Variants in TSPAN5 observed in about 807,000 individuals in gnomAD.
TSPAN5 encodes the protein tetraspanin-5.
Under a neutral mutation model 37.1 loss-of-function variants are expected in TSPAN5, and 10 were observed. That is an observed-to-expected ratio of 0.27 (90% CI 0.17 to 0.46). The LOEUF is 0.46. Among genes scored for constraint, TSPAN5 ranks in the 20% least tolerant of loss-of-function variants. TSPAN5 has a pLI of 1.00. For missense variants in TSPAN5, 195 were observed against 326.6 expected, an observed-to-expected ratio of 0.60 and a Z score of 3.11; for synonymous variants, 110 against 118.9, an observed-to-expected ratio of 0.93 and a Z score of 0.48.
chr4:98,588,685 A>T lies in TSPAN5; in HGVS notation c.81+69461T>A, dbSNP rs887024746. Among the ~76,000 whole-genome samples the T allele has an allele frequency of 3.3e-5, 5 of 152,234 alleles. No homozygotes were observed. The South Asian group carries it at 1.0e-3, about 31-fold the overall frequency. ...CAAAGAATATCCAGTTACGATGTTC[A>T]AAGAGATAAGCTGGCCCTGAGGCAT... On this transcript the variant is annotated intron_variant, in intron 1 of 7. Transcript: ENST00000305798.
At chr4:98,629,818 G>C (rs542678182) in intron 1 of TSPAN5, among the ~76,000 whole-genome samples, 1 of 152,314 alleles carries the variant, frequency 6.6e-6, no homozygotes, top group South Asian at 2.1e-4. Context: ...GACTGTTAGT[G>C]AGTGAATAAA....
chr4:98,582,614 C>T (rs1260012978), intron 1 of TSPAN5, among the ~76,000 whole-genome samples: 3 of 152,168 alleles, frequency 2.0e-5, no homozygotes, highest in African/African-American at 4.8e-5. Flanking sequence ...TCACAAATCT[C>T]GTGGCAAATA....
At chr4:98,639,826 GT>G (rs1756926777) in intron 1 of TSPAN5, among the ~76,000 whole-genome samples, 2 of 152,138 alleles carry the variant, frequency 1.3e-5, no homozygotes, top group Non-Finnish European at 2.9e-5. Context: ...ACAGAAGCTG[GT>G]TTCAATCTGG....
intron 2 of TSPAN5, among the ~76,000 whole-genome samples, chr4:98,496,049 C>G (rs1259117786): frequency 3.3e-5 from 5 of 152,146 alleles, no homozygotes; most frequent in Admixed American, 3.3e-4. Context: ...CCAGATCCTA[C>G]TGACAACAGT....
chr4:98,549,755 T>C (rs1435134408), intron 1 of TSPAN5, among the ~76,000 whole-genome samples: 2 of 152,082 alleles, frequency 1.3e-5, no homozygotes, highest in East Asian at 1.9e-4. Flanking sequence ...TCTTGTTAAG[T>C]TGTTTGAGTT....
At chr4:98,584,171 G>C (rs191157039) in intron 1 of TSPAN5, among the ~76,000 whole-genome samples, 1,935 of 152,242 alleles carry the variant, frequency 0.013, 26 homozygotes, top group Non-Finnish European at 0.019. Context: ...TAGCTCCTGG[G>C]CTCAAAGGAT....
chr4:98,519,484 T>A (rs2091547), intron 1 of TSPAN5, among the ~76,000 whole-genome samples: 1 of 151,094 alleles, frequency 6.6e-6, no homozygotes, highest in Non-Finnish European at 1.5e-5. Flanking sequence ...AGTGAGACAG[T>A]GAGTCTGTTA....
At chr4:98,639,243 A>ATTG (rs1756916614) in intron 1 of TSPAN5, among the ~76,000 whole-genome samples, 1 of 152,196 alleles carries the variant, frequency 6.6e-6, no homozygotes, top group Non-Finnish European at 1.5e-5. Context: ...TGGGTTACAA[A>ATTG]AGCAGCAGTA....
At chr4:98,622,197 A>T (rs1288353015) in intron 1 of TSPAN5, among the ~76,000 whole-genome samples, 1 of 152,186 alleles carries the variant, frequency 6.6e-6, no homozygotes, top group Non-Finnish European at 1.5e-5. Flanking sequence ...CTCGTGCCTC[A>T]GCCTCACAAG....
intron 1 of TSPAN5, among the ~76,000 whole-genome samples, chr4:98,645,517 G>A (rs968979734): frequency 6.6e-6 from 1 of 152,226 alleles, no homozygotes; most frequent in East Asian, 1.9e-4. Flanking sequence ...ACCAGAATCC[G>A]CATTTGAACA....
chr4:98,516,450 C>T (rs745438444), intron 1 of TSPAN5, among the ~76,000 whole-genome samples: 3 of 152,194 alleles, frequency 2.0e-5, no homozygotes, highest in Non-Finnish European at 4.4e-5. Context: ...CTTCTTATCC[C>T]GGGACCTGTG....
intron 1 of TSPAN5, among the ~76,000 whole-genome samples, chr4:98,572,265 T>C (rs1309176749): frequency 1.3e-5 from 2 of 152,102 alleles, no homozygotes. Context: ...GCCACCACAC[T>C]GGGGCAGAGG....
intron 1 of TSPAN5, among the ~76,000 whole-genome samples, chr4:98,521,385 C>T (rs1377827158): frequency 6.6e-6 from 1 of 152,176 alleles, no homozygotes; most frequent in African/African-American, 2.4e-5. Flanking sequence ...TTCAGGGTTC[C>T]TCTCCTAGAA....
chr4:98,614,385 C>T (rs1447695997), intron 1 of TSPAN5, among the ~76,000 whole-genome samples: 2 of 152,092 alleles, frequency 1.3e-5, no homozygotes, highest in Non-Finnish European at 2.9e-5. Flanking sequence ...GTAGAGTGGG[C>T]TGCATTTCTG....
intron 2 of TSPAN5, among the ~76,000 whole-genome samples, chr4:98,499,753 T>C (rs1193101861): frequency 1.4e-5 from 2 of 146,158 alleles, no homozygotes; most frequent in African/African-American, 2.6e-5. Context: ...CTCCGCCTCC[T>C]GGGTTCATAC....
chr4:98,488,318 A>T (rs1753017542), intron 2 of TSPAN5, among the ~76,000 whole-genome samples: 1 of 152,354 alleles, frequency 6.6e-6, no homozygotes, highest in African/African-American at 2.4e-5. Flanking sequence ...AGGTAGGAAC[A>T]TTTGGAGAAG....
chr4:98,617,035 G>A (rs563553825), intron 1 of TSPAN5, among the ~76,000 whole-genome samples: 3 of 152,136 alleles, frequency 2.0e-5, no homozygotes, highest in South Asian at 4.2e-4. Flanking sequence ...ATGTTGCCCA[G>A]TCTAGTCTTG....
intron 1 of TSPAN5, among the ~76,000 whole-genome samples, chr4:98,652,051 G>T (rs1294742980): frequency 1.3e-5 from 2 of 151,274 alleles, no homozygotes; most frequent in African/African-American, 4.9e-5. Flanking sequence ...GTAGAGATAG[G>T]GTCTCACTAT....
intron 1 of TSPAN5, among the ~76,000 whole-genome samples, chr4:98,604,535 G>A (rs12509107): frequency 0.057 from 8,624 of 152,234 alleles, 532 homozygotes; most frequent in Admixed American, 0.16. Context: ...AACAAGGCAC[G>A]CAAAGACTAT....
Sources: allele counts gnomAD v4.1 joint callset (sites outside exome capture counted in the v4.1 genomes callset), GRCh38; gene constraint gnomAD v4.1.1; transcripts MANE v1.5; gene names NCBI Gene and HGNC (gene_info 2026-07-23, HGNC 2026-07-21).